Variants in MGAT4C observed in about 807,000 individuals in gnomAD.
MGAT4C encodes the protein alpha-1,3-mannosyl-glycoprotein 4-beta-N-acetylglucosaminyltransferase C.
In MGAT4C, 19 loss-of-function variants were observed where a neutral mutation model predicts 40.1. The observed-to-expected ratio is 0.47, with a 90% confidence interval of 0.33 to 0.70. MGAT4C has a LOEUF of 0.70. Among genes scored for constraint, MGAT4C ranks in the 30% least tolerant of loss-of-function variants. The pLI, the probability that MGAT4C is intolerant of heterozygous loss-of-function variation, is 0.02. For synonymous variants in MGAT4C, 181 were observed against 187.1 expected, an observed-to-expected ratio of 0.97 and a Z score of 0.27; for missense variants, 491 against 563.2, an observed-to-expected ratio of 0.87 and a Z score of 1.30.
intron 2 of MGAT4C, among the ~76,000 whole-genome samples, chr12:86,445,033 T>C (rs1957308924): frequency 6.6e-6 from 1 of 151,862 alleles, no homozygotes; most frequent in South Asian, 2.1e-4. Context: ...AAGGTGGGGG[T>C]GGAAGAATTG....
chr12:86,808,380 A>G (rs1952404579), intron 1 of MGAT4C, among the ~76,000 whole-genome samples: 1 of 152,116 alleles, frequency 6.6e-6, no homozygotes, highest in Non-Finnish European at 1.5e-5. Flanking sequence ...AAAATTCTCA[A>G]TAAAATACTG....
At chr12:86,365,899 G>A (rs57156040) in intron 3 of MGAT4C, among the ~76,000 whole-genome samples, 2 of 152,078 alleles carry the variant, frequency 1.3e-5, no homozygotes, top group Non-Finnish European at 2.9e-5. Flanking sequence ...ATAAATTTTA[G>A]AATAGGTTTT....
At position 85,972,077 on chromosome 12, in the gene MGAT4C, T is replaced by A. The variant is rs896376092; in HGVS notation, c.*7212A>T. The A allele has an allele frequency of 2.6e-5, 4 of 151,182 alleles. No individual in the cohort carries two copies. The highest frequency in any genetic ancestry group is 9.7e-5 in the African/African-American group (4 of 41,374). 9.4% of individuals were successfully genotyped at this position (151,182 alleles called of 1,614,324 possible). On this transcript the variant is annotated 3_prime_UTR_variant, in exon 5 of 5. Transcript: ENST00000611864. Reference sequence around the variant, plus strand: ...ACCATTACATTACAGACAATTCATATATATGTCTTGAAAATCTTCTTGACA... The same window carrying A: ...ACCATTACATTACAGACAATTCATAAATATGTCTTGAAAATCTTCTTGACA...
At chr12:86,722,261 G>T (rs1249543816) in intron 2 of MGAT4C, among the ~76,000 whole-genome samples, 1 of 151,826 alleles carries the variant, frequency 6.6e-6, no homozygotes, top group Non-Finnish European at 1.5e-5. Context: ...ATTGCTACAG[G>T]CCAGAGAAGA....
At chr12:86,838,358 A>G (rs1593254417) in intron 1 of MGAT4C, among the ~76,000 whole-genome samples, 2 of 152,266 alleles carry the variant, frequency 1.3e-5, no homozygotes, top group South Asian at 4.1e-4. Flanking sequence ...TTTCTTCATT[A>G]TATATTGCAG....
intron 1 of MGAT4C, among the ~76,000 whole-genome samples, chr12:86,760,744 A>T (rs1206713784): frequency 6.6e-6 from 1 of 152,150 alleles, no homozygotes; most frequent in Non-Finnish European, 1.5e-5. Context: ...TTAGTTAAAA[A>T]GACTTTGCTG....
chr12:86,369,523 C>T (rs1955676608), intron 3 of MGAT4C, among the ~76,000 whole-genome samples: 1 of 151,836 alleles, frequency 6.6e-6, no homozygotes, highest in South Asian at 2.1e-4. Context: ...GTGTGGTTAA[C>T]ATGGGGCTTG....
intron 1 of MGAT4C, among the ~76,000 whole-genome samples, chr12:86,087,711 A>G (rs537420904): frequency 6.6e-6 from 1 of 152,122 alleles, no homozygotes; most frequent in South Asian, 2.1e-4. Flanking sequence ...TCTACAATGA[A>G]AGTTATGAAA....
intron 4 of MGAT4C, among the ~76,000 whole-genome samples, chr12:86,279,245 T>C (rs1056475790): frequency 6.6e-6 from 1 of 152,228 alleles, no homozygotes; most frequent in Non-Finnish European, 1.5e-5. Flanking sequence ...TTAGGTCTTC[T>C]TCAAATGTTT....
At chr12:86,112,508 A>T (rs1238308593) in intron 1 of MGAT4C, among the ~76,000 whole-genome samples, 4 of 151,764 alleles carry the variant, frequency 2.6e-5, no homozygotes, top group African/African-American at 9.7e-5. Flanking sequence ...CAGAAGTTAT[A>T]TATTAAAGCA....
At chr12:86,574,371 G>A (rs1490394022) in intron 2 of MGAT4C, among the ~76,000 whole-genome samples, 1 of 151,626 alleles carries the variant, frequency 6.6e-6, no homozygotes, top group African/African-American at 2.4e-5. Context: ...CCTGACATAG[G>A]GCCCCAGACA....
chr12:86,258,956 A>G (rs1952598757), upstream of MGAT4C, among the ~76,000 whole-genome samples: 1 of 151,930 alleles, frequency 6.6e-6, no homozygotes, highest in African/African-American at 2.4e-5. Flanking sequence ...CAAATTTTGT[A>G]TTTATTTATT....
Position 86,375,619 on chromosome 12 carries a change from G to C in MGAT4C, c.-119-41492C>G, listed in dbSNP as rs139259628. Among the ~76,000 whole-genome samples the C allele has an allele frequency of 1.6e-3, 240 of 152,002 alleles. 1 individual carries two copies. The highest frequency in any genetic ancestry group is 3.8e-3 in the Middle Eastern group (1 of 266). ...GATACATCATTTTAGGTACTTTACA[G>C]AACCAGATTATTTGTATACCTGTAT... On this transcript the variant is annotated intron_variant, in intron 3 of 7. Transcript: ENST00000548651.
intron 2 of MGAT4C, among the ~76,000 whole-genome samples, chr12:86,644,284 G>A (rs962858039): frequency 2.6e-5 from 4 of 151,554 alleles, no homozygotes; most frequent in African/African-American, 4.8e-5. Flanking sequence ...AAACAGACTC[G>A]AACAGGAATT....
intron 2 of MGAT4C, among the ~76,000 whole-genome samples, chr12:86,510,902 A>T (rs1958568786): frequency 1.3e-5 from 2 of 151,712 alleles, no homozygotes; most frequent in Non-Finnish European, 3.0e-5. Context: ...GGAGACTTTA[A>T]CACCCCACTG....
chr12:86,639,332 TCAAA>T (rs534861683), intron 2 of MGAT4C, among the ~76,000 whole-genome samples: 98 of 151,874 alleles, frequency 6.5e-4, no homozygotes, highest in African/African-American at 2.2e-3. Flanking sequence ...TCACAAATTC[TCAAA>T]CAGTCATCTG....
intron 1 of MGAT4C, among the ~76,000 whole-genome samples, chr12:86,781,066 ATC>A: frequency 6.6e-6 from 1 of 151,576 alleles, no homozygotes; most frequent in Non-Finnish European, 1.5e-5. Flanking sequence ...TTTTCTTATC[ATC>A]TGTTAATAGA....
At chr12:86,285,739 T>C (rs1953337890) in intron 4 of MGAT4C, among the ~76,000 whole-genome samples, 2 of 152,024 alleles carry the variant, frequency 1.3e-5, no homozygotes, top group South Asian at 4.1e-4. Context: ...TAAGATACTT[T>C]TTACAGTTAT....
intron 2 of MGAT4C, among the ~76,000 whole-genome samples, chr12:86,650,117 C>T (rs879731353): frequency 6.6e-6 from 1 of 151,750 alleles, no homozygotes; most frequent in Non-Finnish European, 1.5e-5. Flanking sequence ...AATAGCTGCT[C>T]CTCTCAGAAT....
Sources: allele counts gnomAD v4.1 joint callset (sites outside exome capture counted in the v4.1 genomes callset), GRCh38; gene constraint gnomAD v4.1.1; transcripts MANE v1.5; gene names NCBI Gene and HGNC (gene_info 2026-07-23, HGNC 2026-07-21).